The following MEAF6 variants were observed in gnomAD, a reference collection of about 807,000 sequenced individuals.
MEAF6 encodes chromatin modification-related protein MEAF6.
Under a neutral mutation model 28.9 loss-of-function variants are expected in MEAF6, and 15 were observed. The observed-to-expected ratio is 0.52, with a 90% CI of 0.35 to 0.80. The LOEUF (loss-of-function observed/expected upper bound fraction) is 0.80. Among genes scored for constraint, MEAF6 ranks in the 30% least tolerant of loss-of-function variants. The probability of loss-of-function intolerance (pLI) is 0.01; values close to 1 mark genes in which losing one functional copy is unlikely to be tolerated. For synonymous variants in MEAF6, 97 were observed against 88.7 expected (o/e 1.09, Z -0.53); for missense variants, 178 against 237.5 (o/e 0.75, Z 1.65).
chr1:37,509,494 A>G lies in MEAF6; in HGVS notation c.255T>C (p.Ala85=). ...NDRRNRKFKE[A]ERLFSKSSVT... ...CCGAGGATTTACTGAAGAGCCGCTC[A>G]GCTTCCTTAAACTTCCGGTTCCTTC... The change falls in exon 3 of 7, where the codon GCT becomes GCC. Residue 85 remains alanine, a synonymous_variant. Coordinates refer to ENST00000296214, the MANE Select transcript of MEAF6 (RefSeq NM_001270875.3). 2 of 1,614,162 alleles carry G rather than the reference A, an allele frequency of 1.2e-6. No individual in the cohort carries two copies. Among genetic ancestry groups the G allele is most frequent in the East Asian group, 2.2e-5 (1 of 44,878 alleles).
chr1:37,505,656 T>G (rs1642457917), intron 4 of MEAF6, among the ~76,000 whole-genome samples: 1 of 152,188 alleles, frequency 6.6e-6, no homozygotes, highest in African/African-American at 2.4e-5. Flanking sequence ...CCTTCTGATG[T>G]TCAAGAAAAC....
At chr1:37,510,180 G>A (rs1231691524) in intron 2 of MEAF6, among the ~76,000 whole-genome samples, 3 of 150,970 alleles carry the variant, frequency 2.0e-5, no homozygotes, top group Non-Finnish European at 2.9e-5. Flanking sequence ...AGGTTCAGAC[G>A]ATTCTCCTGC....
chr1:37,502,099 T>C, intron 4 of MEAF6, 103 bp from the exon 5 acceptor site: 1 of 869,788 alleles, frequency 1.1e-6, no homozygotes, highest in Non-Finnish European at 1.7e-6. Flanking sequence ...CCATTCCCTA[T>C]CCTCTAATTG....
At chr1:37,497,958 A>G (rs1334181340) in intron 5 of MEAF6, among the ~76,000 whole-genome samples, 2 of 152,146 alleles carry the variant, frequency 1.3e-5, no homozygotes, top group African/African-American at 4.8e-5. Context: ...GGGATCTGGA[A>G]GGAGCAGTAC....
At position 37,501,940 on chromosome 1, in the gene MEAF6, T is replaced by G; in HGVS notation, c.397A>C (p.Asn133His). Residue 133 changes from asparagine (N) to histidine (H), a missense_variant, in exon 5 of 7, where the codon AAT becomes CAT. This residue lies in a region of MEAF6 where 124 missense variants were observed against 200.5 expected (regional missense o/e 0.62). Transcript: ENST00000296214. ...TCAGGGTCCTCCTGGCTGGGCTCAT[T>G]TTCCTGATTGTGGAAGTCTGGAGAA... is the stretch of plus-strand genomic sequence containing the variant. The part of the protein sequence containing the change: ...DTSPDFHNQE[N>H]EPSQEDPEDL... 1.2e-6 allele frequency: 2 copies of G among 1,611,110 alleles called. No individual in the cohort carries two copies. The highest frequency in any genetic ancestry group is 1.7e-6 in the Non-Finnish European group (2 of 1,177,628).
intron 4 of MEAF6, among the ~76,000 whole-genome samples, chr1:37,508,492 T>G (rs1258896652): frequency 1.3e-5 from 2 of 152,050 alleles, no homozygotes; most frequent in African/African-American, 2.4e-5. Context: ...TTGACTAGGC[T>G]GGTCTTGAAC....
intron 2 of MEAF6, among the ~76,000 whole-genome samples, chr1:37,511,039 G>C (rs923728275): frequency 6.6e-6 from 1 of 152,178 alleles, no homozygotes; most frequent in African/African-American, 2.4e-5. Context: ...TTATTTTAAT[G>C]CTTATTATTT....
chr1:37,502,079 T>C lies in MEAF6; in HGVS notation c.341-83A>G, dbSNP rs1413040711. The C allele has an allele frequency of 8.7e-5, 104 of 1,201,356 alleles. No homozygotes were observed. The South Asian group carries it at 1.7e-3, about 20-fold the overall frequency. The allele number at this position is 1,201,356 out of a possible 1,614,324, so 74.4% of individuals were successfully genotyped here. On this transcript the variant is annotated intron_variant, in intron 4 of 6. Transcript: ENST00000296214. ...GTCCATCAACATGAACACTAATAGG[T>C]AGAAAAAAACCATTCCCTATCCTCT...
chr1:37,491,696 CAATAAATAAATAAATA>C lies in MEAF6; in HGVS notation c.*2387_*2402del, dbSNP rs57369458. Among the ~76,000 whole-genome samples, 1 of 142,496 alleles carries C rather than the reference CAATAAATAAATAAATA, an allele frequency of 7.0e-6. No homozygotes were observed. Among genetic ancestry groups the C allele is most frequent in the African/African-American group, 2.6e-5 (1 of 39,012 alleles). 93.5% of individuals were successfully genotyped at this position (142,496 alleles called of 152,430 possible). ...CCTGGGTGACAGAGCAAGATCCTGT[CAATAAATAAATAAATA>C]AATAAATAAATAAATAAAATATATA... On this transcript the variant is annotated 3_prime_UTR_variant, in exon 7 of 7. Transcript: ENST00000296214.
At chr1:37,501,613 T>C (rs1182987992) in intron 5 of MEAF6, 191 bp downstream of exon 5, 4 of 471,970 alleles carry the variant, frequency 8.5e-6, no homozygotes, top group Admixed American at 7.1e-5. Context: ...CCTGGAGTCT[T>C]CCTTGAGGGT....
intron 2 of MEAF6, among the ~76,000 whole-genome samples, 160 bp from the exon 3 acceptor site, chr1:37,509,702 T>C (rs1167718422): frequency 1.3e-5 from 2 of 152,184 alleles, no homozygotes; most frequent in East Asian, 1.9e-4. Flanking sequence ...TTCCAATATA[T>C]GGTACATGTC....
chr1:37,497,163 A>G lies in MEAF6; in HGVS notation c.534-1245T>C, dbSNP rs114235243. ...TAATATACTTTCACTAAAATAAAAA[A>G]CTACAACACAGTCTAAACTTTAAAA... On this transcript the variant is annotated intron_variant, in intron 5 of 6. Coordinates refer to ENST00000296214, the MANE Select transcript of MEAF6 (RefSeq NM_001270875.3). Among the ~76,000 whole-genome samples the G allele has an allele frequency of 9.3e-3, 1,422 of 152,342 alleles. 18 individuals carry two copies. The highest frequency in any genetic ancestry group is 0.032 in the African/African-American group (1,349 of 41,572).
At chr1:37,506,127 T>C (rs573574938) in intron 4 of MEAF6, among the ~76,000 whole-genome samples, 1 of 152,158 alleles carries the variant, frequency 6.6e-6, no homozygotes, top group South Asian at 2.1e-4. Flanking sequence ...AAAAATTAGC[T>C]GGGCATGGTG....
chr1:37,506,545 T>C (rs1364343700), intron 4 of MEAF6, among the ~76,000 whole-genome samples: 1 of 151,916 alleles, frequency 6.6e-6, no homozygotes. Flanking sequence ...CTACTTTTGT[T>C]TTGTTTTGTT....
At position 37,493,953 on chromosome 1, in the gene MEAF6, G is replaced by T. The variant is rs1411597996; in HGVS notation, c.*146C>A. 14 of 1,575,270 alleles carry T rather than the reference G, an allele frequency of 8.9e-6. No individual in the cohort carries two copies. Among genetic ancestry groups the T allele is most frequent in the African/African-American group, 1.4e-5 (1 of 72,940 alleles). On this transcript the variant is annotated 3_prime_UTR_variant, in exon 7 of 7. Coordinates refer to ENST00000296214, the MANE Select transcript of MEAF6 (RefSeq NM_001270875.3). ...AATGACTTGTTTGTCACCACATTTA[G>T]AACAAACTACTCAAAGTCACAGGCA...
intron 1 of MEAF6, 107 bp downstream of exon 1, chr1:37,514,550 C>T: frequency 3.7e-6 from 3 of 805,656 alleles, no homozygotes; most frequent in Non-Finnish European, 5.1e-6. Context: ...CGGCCCGCCG[C>T]GCCGCGCCCC....
chr1:37,499,679 A>C (rs545139411), intron 5 of MEAF6, among the ~76,000 whole-genome samples: 1 of 152,372 alleles, frequency 6.6e-6, no homozygotes, highest in African/African-American at 2.4e-5. Context: ...TCTGCTTTCC[A>C]AACAGAAAAC....
At chr1:37,514,580 G>T in intron 1 of MEAF6, 77 bp downstream of exon 1, 4 of 1,203,876 alleles carry the variant, frequency 3.3e-6, no homozygotes, top group Non-Finnish European at 3.3e-6. Flanking sequence ...AAACGGCCTA[G>T]CGCGGCCGGG....
At position 37,490,024 on chromosome 1, in the gene MEAF6, G is replaced by A. The variant is rs530837899; in HGVS notation, c.*4075C>T. Among the ~76,000 whole-genome samples, 1 of 152,050 alleles carries A rather than the reference G, an allele frequency of 6.6e-6. No individual in the cohort carries two copies. The highest frequency in any genetic ancestry group is 1.5e-5 in the Non-Finnish European group (1 of 68,010). ...TTCAACCTTTTATTTATAAATTAATGACCTACATGTACTAATGAACTAATA... is the reference window on the plus strand; with the variant it reads ...TTCAACCTTTTATTTATAAATTAATAACCTACATGTACTAATGAACTAATA... On this transcript the variant is annotated 3_prime_UTR_variant, in exon 7 of 7. Transcript: ENST00000296214.
Sources: allele counts gnomAD v4.1 joint callset (sites outside exome capture counted in the v4.1 genomes callset), GRCh38; gene constraint gnomAD v4.1.1; regional missense constraint gnomAD v4.1.1; transcripts MANE v1.5; gene names NCBI Gene and HGNC (gene_info 2026-07-23, HGNC 2026-07-21).